SLC37A2: variants seen among roughly 807,000 people sequenced by gnomAD.
SLC37A2 encodes glucose-6-phosphate exchanger SLC37A2.
A neutral mutation model predicts 70.7 loss-of-function variants in SLC37A2; 59 were observed. The ratio of observed to expected loss-of-function variants is 0.83; its 90% CI spans 0.68 to 1.04. The LOEUF (loss-of-function observed/expected upper bound fraction) is 1.04. Among genes scored for constraint, SLC37A2 ranks in the 50% least tolerant of loss-of-function variants. SLC37A2 has a pLI of 0.00. For synonymous variants in SLC37A2, 257 were observed against 262.1 expected, an observed-to-expected ratio of 0.98 and a Z score of 0.19; for missense variants, 580 against 658.1, an observed-to-expected ratio of 0.88 and a Z score of 1.30.
rs1357720083 is a variant in SLC37A2 at position 125,080,854 on chromosome 11, TG to T, written c.694+76del. On this transcript the variant is annotated intron_variant, in intron 7 of 17. Transcript: ENST00000403796. The surrounding 1 kb of genome is among the most constrained non-coding windows in gnomAD (Gnocchi z 4.3). Reference sequence around the variant, plus strand: ...TCTGGGAGAAGGCAGCTGGATCTACTGGAAAGATTGCTGGTCACAGAGTGGG... The same window carrying T: ...TCTGGGAGAAGGCAGCTGGATCTACTGAAAGATTGCTGGTCACAGAGTGGG... 2.3e-6 allele frequency: 3 copies of T among 1,285,198 alleles called. No individual in the cohort carries two copies. Among genetic ancestry groups the T allele is most frequent in the Non-Finnish European group, 3.0e-6 (3 of 993,214 alleles). 79.6% of individuals were successfully genotyped at this position (1,285,198 alleles called of 1,614,324 possible).
At chr11:125,082,174 C>T in intron 9 of SLC37A2, 70 bp from the exon 10 acceptor site, 1 of 1,471,130 alleles carries the variant, frequency 6.8e-7, no homozygotes, top group Non-Finnish European at 9.5e-7. Flanking sequence ...GTGCTGAGCA[C>T]CCCTTGGGGC....
At chr11:125,070,592 C>T (rs1591627456) in intron 1 of SLC37A2, among the ~76,000 whole-genome samples, 1 of 152,214 alleles carries the variant, frequency 6.6e-6, no homozygotes, top group Non-Finnish European at 1.5e-5. Flanking sequence ...TCAAATCTTA[C>T]TTTCCTGTTG....
At chr11:125,069,369 A>G (rs1050815432) in intron 1 of SLC37A2, among the ~76,000 whole-genome samples, 5 of 152,230 alleles carry the variant, frequency 3.3e-5, no homozygotes, top group Admixed American at 2.6e-4. Context: ...AAAAGATTAC[A>G]TGGCCATTTG....
At chr11:125,075,005 C>T (rs951317786) in intron 1 of SLC37A2, among the ~76,000 whole-genome samples, 4 of 152,140 alleles carry the variant, frequency 2.6e-5, no homozygotes, top group African/African-American at 7.2e-5. Flanking sequence ...ATGCTGTGTT[C>T]TCTTATCTTG....
Position 125,079,750 on chromosome 11 carries a change from G to A in SLC37A2, c.517G>A (p.Gly173Arg), listed in dbSNP as rs755942734. 96 of 1,609,128 alleles carry A rather than the reference G, an allele frequency of 6.0e-5. No homozygotes were observed. The highest frequency in any genetic ancestry group is 7.3e-5 in the Non-Finnish European group (86 of 1,177,618). Residue 173 changes from glycine (G) to arginine (R), a missense_variant, in exon 6 of 18, where the codon GGG becomes AGG. Physicochemically the swap from Gly to Arg is moderately radical, Grantham distance 125. Coordinates refer to ENST00000403796, the MANE Select transcript of SLC37A2 (RefSeq NM_001145290.2). ...SVVTCVGNWF[G>R]KGKRGFIMGI... ...GGTGACCTGTGTTGGCAACTGGTTC[G>A]GGAAGGGGAAGTGAGTGTAACAAGG...
At chr11:125,073,240 T>C (rs1048763144) in intron 1 of SLC37A2, among the ~76,000 whole-genome samples, 15 of 152,164 alleles carry the variant, frequency 9.9e-5, no homozygotes, top group African/African-American at 3.6e-4. Context: ...GAGTCTCCCC[T>C]GTGTCCCACC....
In SLC37A2 at chr11:125,090,385, A is replaced by T. The variant is rs932975778; in HGVS notation, c.*2251A>T. On this transcript the variant is annotated 3_prime_UTR_variant, in exon 18 of 18. Transcript: ENST00000403796. ...TCAAAACAGGCCACTCGGCTCTACCAATAAGCAGGATGTGGGTGGGGCCAG... is the reference window on the plus strand; with the variant it reads ...TCAAAACAGGCCACTCGGCTCTACCTATAAGCAGGATGTGGGTGGGGCCAG... 6.6e-6 allele frequency: 1 copy of T among 152,258 alleles called. No homozygotes were observed. Among genetic ancestry groups the T allele is most frequent in the African/African-American group, 2.4e-5 (1 of 41,438 alleles). 9.4% of individuals were successfully genotyped at this position (152,258 alleles called of 1,614,324 possible).
intron 1 of SLC37A2, among the ~76,000 whole-genome samples, chr11:125,070,755 G>A (rs1433421578): frequency 6.6e-6 from 1 of 152,180 alleles, no homozygotes; most frequent in African/African-American, 2.4e-5. Flanking sequence ...GAAGGGGCAT[G>A]TGAGCCTGTG....
chr11:125,076,804 A>T lies in SLC37A2; in HGVS notation c.107A>T (p.Tyr36Phe), dbSNP rs750250353. Residue 36 changes from tyrosine (Y) to phenylalanine (F), a missense_variant, in exon 2 of 18, where the codon TAT (tyrosine) becomes TTT (phenylalanine). Tyr to Phe is a conservative substitution (Grantham distance 22). Coordinates refer to ENST00000403796, the MANE Select transcript of SLC37A2 (RefSeq NM_001145290.2). ...CTGACCTTCCTAATTTACGCCTGCT[A>T]TCACATGTCCAGGAAGCCTATCAGT... ...LLLTFLIYAC[Y>F]HMSRKPISIV... The T allele has an allele frequency of 3.1e-6, 5 of 1,614,016 alleles. No homozygotes were observed. The highest frequency in any genetic ancestry group is 2.5e-6 in the Non-Finnish European group (3 of 1,180,012).
rs1164692244 is a variant in SLC37A2, at chr11:125,088,100, C to A, written c.1491-19C>A. The A allele has an allele frequency of 6.4e-7, 1 of 1,551,878 alleles. No individual in the cohort carries two copies. The highest frequency in any genetic ancestry group is 8.7e-7 in the Non-Finnish European group (1 of 1,147,038). On this transcript the variant is annotated intron_variant, in intron 17 of 17. Transcript: ENST00000403796. ...GTCATCTCACTTTCTCTTCTGTCCC[C>A]CCTCTCCTCTTCATGCAGGTATAAA...
rs142491254 is a variant in SLC37A2 at position 125,074,968 on chromosome 11, C to T, written c.60-1789C>T. On this transcript the variant is annotated intron_variant, in intron 1 of 17. Coordinates refer to ENST00000403796, the MANE Select transcript of SLC37A2 (RefSeq NM_001145290.2). ...TGGGGGGCCTTACCGGCAGTATAAC[C>T]AGGGACCTGGGGACTGGGGGAGAGT... 9.8e-4 allele frequency among the ~76,000 whole-genome samples: 150 copies of T among 152,316 alleles called. 1 individual carries two copies. Among genetic ancestry groups the T allele is most frequent in the Non-Finnish European group, 7.3e-5 (5 of 68,034 alleles).
At chr11:125,072,752 G>T (rs1359963063) in intron 1 of SLC37A2, among the ~76,000 whole-genome samples, 1 of 152,194 alleles carries the variant, frequency 6.6e-6, no homozygotes, top group Non-Finnish European at 1.5e-5. Context: ...TAACCTGACC[G>T]AAGTTCCCAG....
chr11:125,076,245 C>T (rs1591630266), intron 1 of SLC37A2, among the ~76,000 whole-genome samples: 1 of 152,152 alleles, frequency 6.6e-6, no homozygotes, highest in African/African-American at 2.4e-5. Flanking sequence ...CTGCCACTTC[C>T]TTTCCAACTA....
intron 8 of SLC37A2, 57 bp downstream of exon 8, chr11:125,081,515 G>A: frequency 1.2e-5 from 18 of 1,562,224 alleles, no homozygotes; most frequent in Non-Finnish European, 1.6e-5. Flanking sequence ...CAGAGGGCTG[G>A]ACCCGGAGAG....
chr11:125,081,542 C>T, intron 8 of SLC37A2, 84 bp downstream of exon 8: 1 of 1,499,084 alleles, frequency 6.7e-7, no homozygotes, highest in Non-Finnish European at 9.0e-7. Flanking sequence ...GGAGCTAGAG[C>T]AGGGAGTTCT....
At chr11:125,071,980 C>G (rs889782366) in intron 1 of SLC37A2, among the ~76,000 whole-genome samples, 1 of 152,106 alleles carries the variant, frequency 6.6e-6, no homozygotes, top group Non-Finnish European at 1.5e-5. Flanking sequence ...TCCATTTTCT[C>G]TGGACAAGTG....
At position 125,086,695 on chromosome 11, in the gene SLC37A2, C is replaced by A. The variant is rs548459963; in HGVS notation, c.1490+677C>A. ...GGTGGCTGGCCTGGTGTGCTCTCTG[C>A]CTACTGTCTGGTGGTGGTGGATGTG... On this transcript the variant is annotated intron_variant, in intron 17 of 17. Transcript: ENST00000403796. 5.3e-4 allele frequency: 141 copies of A among 264,338 alleles called. 2 individuals are homozygous for A. Among genetic ancestry groups the A allele is most frequent in the African/African-American group, 3.0e-3 (134 of 44,812 alleles). The allele number at this position is 264,338 out of a possible 1,614,324, so 16.4% of individuals were successfully genotyped here. A position where few individuals can be genotyped will look rare whatever the true frequency, so the allele number is the denominator to read the frequency against.
At chr11:125,079,273 G>T in intron 5 of SLC37A2, 26 bp downstream of exon 5, 1 of 1,613,602 alleles carries the variant, frequency 6.2e-7, no homozygotes, top group East Asian at 2.2e-5. Context: ...TTGCACTTGG[G>T]CCTGTGTTGC....
At position 125,080,813 on chromosome 11, in the gene SLC37A2, C is replaced by A; in HGVS notation, c.694+33C>A. On this transcript the variant is annotated intron_variant, in intron 7 of 17. Transcript: ENST00000403796. The surrounding 1 kb of genome is among the most constrained non-coding windows in gnomAD (Gnocchi z 4.3). ...GGCCCCTCACTCCCCACAAGTGAGC[C>A]TAGAAGTTCTCGGTTTCTGGGAGAA... 1 of 1,362,626 alleles carries A rather than the reference C, an allele frequency of 7.3e-7. No homozygotes were observed. The highest frequency in any genetic ancestry group is 2.2e-5 in the South Asian group (1 of 46,494). The allele number at this position is 1,362,626 out of a possible 1,614,324, so 84.4% of individuals were successfully genotyped here.
Sources: allele counts gnomAD v4.1 joint callset (sites outside exome capture counted in the v4.1 genomes callset), GRCh38; gene constraint gnomAD v4.1.1; non-coding constraint Gnocchi (gnomAD v3.1); transcripts MANE v1.5; gene names NCBI Gene and HGNC (gene_info 2026-07-23, HGNC 2026-07-21).